CDK19: variants seen among roughly 807,000 people sequenced by gnomAD.
The protein encoded by CDK19 is cyclin dependent kinase 19.
Under a neutral mutation model 68.3 loss-of-function variants are expected in CDK19, and 20 were observed. The ratio of observed to expected loss-of-function variants is 0.29; its 90% CI spans 0.21 to 0.43. The LOEUF is 0.43. Ranked by LOEUF, CDK19 falls within the 20% of genes least tolerant of loss-of-function variation. CDK19 has a pLI of 1.00. For missense variants in CDK19, 339 were observed against 623.5 expected (o/e 0.54, Z 4.86); for synonymous variants, 221 against 222.8 (o/e 0.99, Z 0.07).
At chr6:110,645,765 A>G in intron 4 of CDK19, 1 of 564,510 alleles carries the variant, frequency 1.8e-6, no homozygotes. Flanking sequence ...ATGGACAATG[A>G]GCGGCTGTTT....
chr6:110,768,662 T>C (rs1311859682), intron 1 of CDK19, among the ~76,000 whole-genome samples: 1 of 152,102 alleles, frequency 6.6e-6, no homozygotes, highest in Non-Finnish European at 1.5e-5. Context: ...CTATGACATT[T>C]TGGAAAAGGC....
intron 4 of CDK19, among the ~76,000 whole-genome samples, chr6:110,661,052 A>G (rs897026226): frequency 6.6e-6 from 1 of 152,164 alleles, no homozygotes; most frequent in Non-Finnish European, 1.5e-5. Flanking sequence ...CCTCTCCTTG[A>G]GTGTGGACTA....
chr6:110,657,373 T>C (rs927013941), intron 4 of CDK19, among the ~76,000 whole-genome samples: 1 of 152,212 alleles, frequency 6.6e-6, no homozygotes, highest in African/African-American at 2.4e-5. Flanking sequence ...AAATGAATCA[T>C]CAGTCCTTGC....
intron 12 of CDK19, among the ~76,000 whole-genome samples, chr6:110,617,323 C>A (rs1386875278): frequency 6.6e-6 from 1 of 152,196 alleles, no homozygotes; most frequent in East Asian, 1.9e-4. Flanking sequence ...CAGAGGGGGT[C>A]CTGCCCCACA....
At chr6:110,715,321 A>C (rs574555910) in intron 2 of CDK19, among the ~76,000 whole-genome samples, 173 of 152,338 alleles carry the variant, frequency 1.1e-3, no homozygotes, top group African/African-American at 3.6e-3. Context: ...TAATAGGGTC[A>C]AAAATAACTT....
chr6:110,807,041 T>C (rs1249706306), intron 1 of CDK19, among the ~76,000 whole-genome samples: 1 of 151,890 alleles, frequency 6.6e-6, no homozygotes, highest in East Asian at 1.9e-4. Flanking sequence ...GGCTTATGCC[T>C]GTAACCCCAG....
chr6:110,733,760 C>A (rs908165476), intron 2 of CDK19, among the ~76,000 whole-genome samples: 2 of 151,958 alleles, frequency 1.3e-5, no homozygotes, highest in South Asian at 2.1e-4. Context: ...AATCCTCTGA[C>A]CCATACTTCA....
At chr6:110,805,127 A>G (rs1782594174) in intron 1 of CDK19, among the ~76,000 whole-genome samples, 1 of 152,166 alleles carries the variant, frequency 6.6e-6, no homozygotes, top group African/African-American at 2.4e-5. Context: ...TATCCTGTAC[A>G]GTGCACATTC....
chr6:110,737,909 C>T (rs186827718), intron 2 of CDK19, among the ~76,000 whole-genome samples: 47 of 152,192 alleles, frequency 3.1e-4, no homozygotes, highest in Admixed American at 2.8e-3. Context: ...TTAAGGAAAA[C>T]ACAAGGATCA....
chr6:110,775,704 G>A (rs1010419615), intron 1 of CDK19, among the ~76,000 whole-genome samples: 2 of 152,032 alleles, frequency 1.3e-5, no homozygotes, highest in African/African-American at 4.8e-5. Context: ...TGATGTATGA[G>A]AAAAATGAAT....
At chr6:110,707,204 C>T (rs545767859) in intron 2 of CDK19, among the ~76,000 whole-genome samples, 1 of 152,052 alleles carries the variant, frequency 6.6e-6, no homozygotes, top group South Asian at 2.1e-4. Context: ...GGCGTAGTCA[C>T]ACATGCCTGT....
chr6:110,647,808 G>A (rs1030782487), intron 4 of CDK19, among the ~76,000 whole-genome samples: 2 of 152,130 alleles, frequency 1.3e-5, no homozygotes, highest in Admixed American at 1.3e-4. Flanking sequence ...TATAATGTTG[G>A]TTGCAAAACC....
At chr6:110,655,056 T>C (rs1429013376) in intron 4 of CDK19, among the ~76,000 whole-genome samples, 1 of 152,054 alleles carries the variant, frequency 6.6e-6, no homozygotes, top group African/African-American at 2.4e-5. Flanking sequence ...ATTATTTTAC[T>C]TTATTCTGGG....
At chr6:110,791,391 A>G (rs1464450116) in intron 1 of CDK19, among the ~76,000 whole-genome samples, 1 of 152,114 alleles carries the variant, frequency 6.6e-6, no homozygotes, top group Non-Finnish European at 1.5e-5. Context: ...TATTGATGGA[A>G]GGGTTGTAGA....
chr6:110,646,391 A>G, intron 4 of CDK19: 2 of 1,484,812 alleles, frequency 1.3e-6, no homozygotes, highest in Non-Finnish European at 1.8e-6. Context: ...ACTTCTGCCC[A>G]TGGGGCTGCT....
At chr6:110,640,388 G>A (rs1780069616) in intron 4 of CDK19, among the ~76,000 whole-genome samples, 1 of 152,152 alleles carries the variant, frequency 6.6e-6, no homozygotes, top group Non-Finnish European at 1.5e-5. Context: ...AGTGGAATTG[G>A]ATGTGAGGTG....
rs545514838 is a variant in CDK19 at position 110,785,286 on chromosome 6, G to C, written c.128+29723C>G. On this transcript the variant is annotated intron_variant, in intron 1 of 12. Coordinates refer to ENST00000368911, the MANE Select transcript of CDK19 (RefSeq NM_015076.5). The stretch of plus-strand genomic sequence containing the variant: ...AAACAGTTGATCCTTGAACAACACA[G>C]GGCTTAGTGGCGCTTACCCCACACA... Among the ~76,000 whole-genome samples, 8 of 152,122 alleles carry C rather than the reference G, an allele frequency of 5.3e-5. No individual in the cohort carries two copies. In the East Asian group the frequency reaches 1.5e-3, roughly 29 times the overall value.
At chr6:110,778,245 C>T (rs1026473015) in intron 1 of CDK19, among the ~76,000 whole-genome samples, 1 of 152,116 alleles carries the variant, frequency 6.6e-6, no homozygotes. Context: ...TCCCAAAAAA[C>T]CACTGTAAAC....
intron 1 of CDK19, among the ~76,000 whole-genome samples, chr6:110,765,196 T>C (rs1029569944): frequency 5.0e-4 from 76 of 152,096 alleles, no homozygotes; most frequent in African/African-American, 1.7e-3. Context: ...AGTGGGAGAA[T>C]TGCTTGAATC....
Sources: allele counts gnomAD v4.1 joint callset (sites outside exome capture counted in the v4.1 genomes callset), GRCh38; gene constraint gnomAD v4.1.1; transcripts MANE v1.5; gene names NCBI Gene and HGNC (gene_info 2026-07-23, HGNC 2026-07-21).